POT1: variants seen among roughly 807,000 people sequenced by gnomAD.
POT1 encodes protection of telomeres 1.
POT1 carries 47 observed loss-of-function variants against 78.5 expected under a neutral mutation model. The observed-to-expected ratio is 0.60, with a 90% CI of 0.47 to 0.76. POT1 has a LOEUF of 0.76. Ranked by LOEUF, POT1 falls within the 30% of genes least tolerant of loss-of-function variation. The probability of loss-of-function intolerance (pLI) is 0.00; values close to 1 mark genes in which losing one functional copy is unlikely to be tolerated. For synonymous variants in POT1, 259 were observed against 260.7 expected (o/e 0.99, Z 0.06); for missense variants, 646 against 749.9 (o/e 0.86, Z 1.62).
chr7:124,908,136 G>A (rs965829821), intron 3 of POT1, among the ~76,000 whole-genome samples: 2 of 151,950 alleles, frequency 1.3e-5, no homozygotes, highest in African/African-American at 4.8e-5. Context: ...ACTTTAACAA[G>A]CATTAAATAA....
At chr7:124,874,523 C>T (rs1372364316) in intron 6 of POT1, among the ~76,000 whole-genome samples, 2 of 151,882 alleles carry the variant, frequency 1.3e-5, no homozygotes, top group South Asian at 2.1e-4. Flanking sequence ...ATTTGAGGTC[C>T]GCAGTTAAAG....
chr7:124,864,144 T>C, intron 7 of POT1, among the ~76,000 whole-genome samples: 1 of 152,152 alleles, frequency 6.6e-6, no homozygotes, highest in East Asian at 1.9e-4. Flanking sequence ...TGGGGGCTGT[T>C]ATCAGAGGCA....
intron 17 of POT1, among the ~76,000 whole-genome samples, chr7:124,826,597 C>A (rs979791616): frequency 6.6e-6 from 1 of 152,114 alleles, no homozygotes; most frequent in Non-Finnish European, 1.5e-5. Context: ...CAAGGCTGGG[C>A]ACGGTGGCTC....
At chr7:124,846,162 G>GACACACTGACACACACACAC (rs1554421658) in intron 12 of POT1, among the ~76,000 whole-genome samples, 18 of 148,824 alleles carry the variant, frequency 1.2e-4, no homozygotes, top group African/African-American at 4.2e-4. Flanking sequence ...CATTCATACT[G>GACACACTGACACACACACAC]ACACACACAC....
intron 9 of POT1, 51 bp from the exon 10 acceptor site, chr7:124,853,189 T>C (rs1010552504): frequency 7.3e-7 from 1 of 1,375,480 alleles, no homozygotes; most frequent in South Asian, 1.4e-5. Context: ...ATTAAAATAC[T>C]TCTGATATTT....
intron 3 of POT1, among the ~76,000 whole-genome samples, chr7:124,907,901 A>C (rs1267018050): frequency 6.6e-6 from 1 of 152,118 alleles, no homozygotes; most frequent in African/African-American, 2.4e-5. Context: ...ATATTAACAA[A>C]TATGGTTTTT....
At chr7:124,887,177 AT>A (rs1796261679) in intron 6 of POT1, among the ~76,000 whole-genome samples, 1 of 152,140 alleles carries the variant, frequency 6.6e-6, no homozygotes, top group African/African-American at 2.4e-5. Flanking sequence ...GTTGAACAGT[AT>A]GATGGGGTGG....
rs150385087 is a variant in POT1, at chr7:124,831,609, T to A, written c.1506-2267A>T. On this transcript the variant is annotated intron_variant, in intron 15 of 18. Coordinates refer to ENST00000357628, the MANE Select transcript of POT1 (RefSeq NM_015450.3). ...AGACAAGAAAACATATAACGTGACT[T>A]CATTATGGTCTGTAAATGAAACAAA... is the stretch of plus-strand genomic sequence containing the variant. Among the ~76,000 whole-genome samples, 128 of 152,260 alleles carry A rather than the reference T, an allele frequency of 8.4e-4. 2 individuals carry two copies. In the East Asian group the frequency reaches 0.022, roughly 26 times the overall value.
At chr7:124,926,345 A>G (rs1797271373) in intron 2 of POT1, among the ~76,000 whole-genome samples, 1 of 152,208 alleles carries the variant, frequency 6.6e-6, no homozygotes, top group African/African-American at 2.4e-5. Context: ...AATGTTCAAT[A>G]TAACTAATCA....
Position 124,842,058 on chromosome 7 carries a change from A to T in POT1, c.1163+749T>A, listed in dbSNP as rs1795040568. Among the ~76,000 whole-genome samples the T allele has an allele frequency of 2.6e-5, 4 of 152,046 alleles. No homozygotes were observed. In the South Asian group the frequency reaches 8.3e-4, roughly 31 times the overall value. ...ACACAGATACTCACAATTTATAAGCACACAAATACATGGCGATGTACATAG... is the reference window on the plus strand; with the variant it reads ...ACACAGATACTCACAATTTATAAGCTCACAAATACATGGCGATGTACATAG... On this transcript the variant is annotated intron_variant, in intron 13 of 18. Coordinates refer to ENST00000357628, the MANE Select transcript of POT1 (RefSeq NM_015450.3).
chr7:124,860,607 ATTCTT>A (rs757267804), intron 8 of POT1, among the ~76,000 whole-genome samples: 1 of 152,052 alleles, frequency 6.6e-6, no homozygotes, highest in African/African-American at 2.4e-5. Flanking sequence ...GCTTTTACTA[ATTCTT>A]TTCTTTAAAT....
intron 3 of POT1, among the ~76,000 whole-genome samples, chr7:124,903,893 T>A (rs919400647): frequency 2.6e-5 from 4 of 152,192 alleles, no homozygotes; most frequent in Admixed American, 1.3e-4. Context: ...TGAACACTTC[T>A]ACGCAAATAA....
intron 2 of POT1, among the ~76,000 whole-genome samples, chr7:124,922,547 A>T (rs1327689575): frequency 1.3e-5 from 2 of 152,000 alleles, no homozygotes; most frequent in Admixed American, 1.3e-4. Flanking sequence ...CATGAGAAAT[A>T]ACAACTGTAA....
intron 3 of POT1, among the ~76,000 whole-genome samples, chr7:124,899,810 C>T (rs984169060): frequency 6.6e-6 from 1 of 152,102 alleles, no homozygotes; most frequent in African/African-American, 2.4e-5. Context: ...ATATTATACA[C>T]CAAATGCAAA....
intron 2 of POT1, among the ~76,000 whole-genome samples, chr7:124,920,751 A>C (rs1049831225): frequency 1.3e-5 from 2 of 152,124 alleles, no homozygotes; most frequent in Admixed American, 1.3e-4. Flanking sequence ...TTTTAACCCT[A>C]GTAGATACTA....
intron 6 of POT1, among the ~76,000 whole-genome samples, chr7:124,884,377 A>G (rs1160073236): frequency 6.6e-6 from 1 of 152,154 alleles, no homozygotes; most frequent in Non-Finnish European, 1.5e-5. Context: ...TAAGTAGCTA[A>G]AACAGAAGGT....
rs2116444574 is a variant in POT1, at chr7:124,835,404, G to A, written c.1380C>T (p.Leu460=). 1 of 1,611,502 alleles carries A rather than the reference G, an allele frequency of 6.2e-7. No individual in the cohort carries two copies. Among genetic ancestry groups the A allele is most frequent in the Non-Finnish European group, 8.5e-7 (1 of 1,177,692 alleles). The change falls in exon 15 of 19, where the codon CTC becomes CTT. Residue 460 remains leucine (L), a synonymous_variant. Coordinates refer to ENST00000357628, the MANE Select transcript of POT1 (RefSeq NM_015450.3). ...TGTTCGAGAGTTTGCAAATTTCACT[G>A]AGTGTACCTCCTGTTAAGAGAATAA... The part of the protein sequence containing the change: ...ECLLLIEGGT[L]SEICKLSNKF...
chr7:124,859,076 TC>T lies in POT1; in HGVS notation c.582del (p.Trp194Ter). ...AGAACAAGGTCTTGTATTAAGACTC[TC>T]CAAGATGGAAATGGTGTCCTGGTGC... ...WDGTRTPFPS[W>X]RVLIQDLVLE... On this transcript the variant is annotated frameshift_variant, in exon 9 of 19. Coordinates refer to ENST00000357628, the MANE Select transcript of POT1 (RefSeq NM_015450.3). LOFTEE classifies it high-confidence loss of function. 1 of 1,604,960 alleles carries T rather than the reference TC, an allele frequency of 6.2e-7. No homozygotes were observed. The highest frequency in any genetic ancestry group is 8.5e-7 in the Non-Finnish European group (1 of 1,174,620).
At chr7:124,916,017 T>TTAAGAATGCA (rs1797006786) in intron 2 of POT1, among the ~76,000 whole-genome samples, 1 of 152,084 alleles carries the variant, frequency 6.6e-6, no homozygotes, top group Non-Finnish European at 1.5e-5. Context: ...TTAATAAAGA[T>TTAAGAATGCA]TTAGAAATGC....
Sources: allele counts gnomAD v4.1 joint callset (sites outside exome capture counted in the v4.1 genomes callset), GRCh38; gene constraint gnomAD v4.1.1; transcripts MANE v1.5; gene names NCBI Gene and HGNC (gene_info 2026-07-23, HGNC 2026-07-21).